Variants in ZBTB32 observed in about 807,000 individuals in gnomAD.
ZBTB32 encodes zinc finger and BTB domain containing 32.
Under a neutral mutation model 45.3 loss-of-function variants are expected in ZBTB32, and 28 were observed. The ratio of observed to expected loss-of-function variants is 0.62; its 90% CI spans 0.46 to 0.85. The LOEUF is 0.85. Ranked by LOEUF, ZBTB32 falls within the 40% of genes least tolerant of loss-of-function variation. The pLI, the probability that ZBTB32 is intolerant of heterozygous loss-of-function variation, is 0.00. For synonymous variants in ZBTB32, 283 were observed against 255.7 expected, an observed-to-expected ratio of 1.11 and a Z score of -1.02; for missense variants, 587 against 624.4, an observed-to-expected ratio of 0.94 and a Z score of 0.64.
At position 35,715,063 on chromosome 19, in the gene ZBTB32, G is replaced by A. The variant is rs763043581; in HGVS notation, c.437G>A (p.Gly146Glu). 2 of 1,613,926 alleles carry A rather than the reference G, an allele frequency of 1.2e-6. No homozygotes were observed. Among genetic ancestry groups the A allele is most frequent in the Admixed American group, 1.7e-5 (1 of 60,014 alleles). Residue 146 changes from glycine (G) to glutamate (E), a missense_variant, in exon 3 of 7, where the codon GGA (glycine) becomes GAA (glutamate). Coordinates refer to ENST00000392197, the MANE Select transcript of ZBTB32 (RefSeq NM_014383.3). ...CCTGAGAGAGAACTGGGGGACCCTG[G>A]AGAGAAGCAGAAACCAGAACAGGTT... ...RNPERELGDP[G>E]EKQKPEQVSR... is the part of the protein sequence containing the mutation.
chr19:35,708,214 G>A lies in ZBTB32; in HGVS notation c.-222+3591G>A, dbSNP rs533049746. 1.8e-4 allele frequency among the ~76,000 whole-genome samples: 27 copies of A among 152,166 alleles called. No individual in the cohort carries two copies. The South Asian group carries it at 5.4e-3, about 30-fold the overall frequency. On this transcript the variant is annotated intron_variant, in intron 1 of 6. Transcript: ENST00000392197. ...CTACAAATCCCTTACACAAAATCAG[G>A]GTCTAGCGTGTGTGTACATCAGTCA...
rs180876468 is a variant in ZBTB32, at chr19:35,705,560, C to A, written c.-222+937C>A. Among the ~76,000 whole-genome samples the A allele has an allele frequency of 5.7e-4, 87 of 152,168 alleles. 1 individual carries two copies. The highest frequency in any genetic ancestry group is 1.9e-3 in the African/African-American group (80 of 41,536). On this transcript the variant is annotated intron_variant, in intron 1 of 6. Coordinates refer to ENST00000392197, the MANE Select transcript of ZBTB32 (RefSeq NM_014383.3). ...ATTCTAGGGAGAAGGATTCTGAATCCCAGCCGAGCTGTTTGCGCTGGATGA... is the reference window on the plus strand; with the variant it reads ...ATTCTAGGGAGAAGGATTCTGAATCACAGCCGAGCTGTTTGCGCTGGATGA...
Position 35,715,273 on chromosome 19 carries a change from G to C in ZBTB32, c.647G>C (p.Arg216Thr). The change falls in exon 3 of 7, where the codon AGG becomes ACG. Residue 216 changes from arginine (R) to threonine (T), a missense_variant. Arg to Thr is a moderately conservative substitution (Grantham distance 71, BLOSUM62 -1). Coordinates refer to ENST00000392197, the MANE Select transcript of ZBTB32 (RefSeq NM_014383.3). ...DGKHGVLTWL[R>T]ENPGGSEESL... ...AAGCATGGAGTGCTCACGTGGTTGAGGGAAAATCCAGGGGGCTCTGAGGAA... is the reference window on the plus strand; with the variant it reads ...AAGCATGGAGTGCTCACGTGGTTGACGGAAAATCCAGGGGGCTCTGAGGAA... 1 of 1,585,396 alleles carries C rather than the reference G, an allele frequency of 6.3e-7. No homozygotes were observed. Among genetic ancestry groups the C allele is most frequent in the Non-Finnish European group, 8.6e-7 (1 of 1,167,704 alleles).
At chr19:35,709,021 T>C (rs912160363) in intron 1 of ZBTB32, among the ~76,000 whole-genome samples, 1 of 152,124 alleles carries the variant, frequency 6.6e-6, no homozygotes, top group South Asian at 2.1e-4. Flanking sequence ...GGTTTCTCCA[T>C]GTTGGTCAGG....
intron 1 of ZBTB32, among the ~76,000 whole-genome samples, chr19:35,708,731 C>T (rs972382147): frequency 2.6e-5 from 4 of 152,158 alleles, no homozygotes; most frequent in African/African-American, 9.7e-5. Context: ...AAAAAGGGAA[C>T]TAATTCACTC....
intron 1 of ZBTB32, among the ~76,000 whole-genome samples, chr19:35,712,152 G>A (rs1247358714): frequency 6.6e-6 from 1 of 150,474 alleles, no homozygotes; most frequent in Non-Finnish European, 1.5e-5. Context: ...TCTAATATAC[G>A]CCAGGCACAT....
chr19:35,716,653 C>G lies in ZBTB32; in HGVS notation c.1365C>G (p.Leu455=). 1 of 1,613,900 alleles carries G rather than the reference C, an allele frequency of 6.2e-7. No individual in the cohort carries two copies. The highest frequency in any genetic ancestry group is 8.5e-7 in the Non-Finnish European group (1 of 1,179,970). The change falls in exon 7 of 7, where the codon CTC becomes CTG. Residue 455 remains leucine (L), a synonymous_variant. Coordinates refer to ENST00000392197, the MANE Select transcript of ZBTB32 (RefSeq NM_014383.3). ...AHMRGHSPSQ[L]PPGWTIRSTF... is the part of the protein sequence containing the mutation. Reference sequence around the variant, plus strand: ...TGCGCGGTCACTCGCCCAGCCAACTCCCGCCCGGATGGACCATCCGCTCCA... The same window carrying G: ...TGCGCGGTCACTCGCCCAGCCAACTGCCGCCCGGATGGACCATCCGCTCCA...
In ZBTB32 at chr19:35,716,403, C is replaced by T. The variant is rs1348732636; in HGVS notation, c.1190-75C>T. The stretch of plus-strand genomic sequence containing the variant: ...CGCGCAATCCCCTAGCCCCGTGGCC[C>T]GATCCACCCCTAACTTGGCCAGCTT... On this transcript the variant is annotated intron_variant, in intron 6 of 6. Transcript: ENST00000392197. The T allele has an allele frequency of 4.4e-6, 7 of 1,584,978 alleles. No homozygotes were observed. In the African/African-American group the frequency reaches 6.7e-5, roughly 15 times the overall value.
At chr19:35,716,091 G>A in intron 5 of ZBTB32, 42 bp from the exon 6 acceptor site, 9 of 1,611,904 alleles carry the variant, frequency 5.6e-6, no homozygotes, top group Non-Finnish European at 7.6e-6. Flanking sequence ...TTGGCGCTGG[G>A]ATTCCTGGCC....
rs2146423221 is a variant in ZBTB32, at chr19:35,716,805, G to A, written c.*53G>A. The A allele has an allele frequency of 1.9e-6, 3 of 1,556,650 alleles. No individual in the cohort carries two copies. Among genetic ancestry groups the A allele is most frequent in the Non-Finnish European group, 1.7e-6 (2 of 1,147,722 alleles). On this transcript the variant is annotated 3_prime_UTR_variant, in exon 7 of 7. Transcript: ENST00000392197. ...AGTCCAATTAAAGAACGAAAAGCGG[G>A]CCGGCTCGGCTTCTGACCTGGCACC...
At chr19:35,715,668 C>CGG in intron 3 of ZBTB32, 89 bp from the exon 4 acceptor site, 1 of 1,496,760 alleles carries the variant, frequency 6.7e-7, no homozygotes, top group Non-Finnish European at 9.0e-7. Context: ...GCCCAGCCCC[C>CGG]GGGGGAGGAC....
chr19:35,705,079 G>A (rs1461651731), intron 1 of ZBTB32, among the ~76,000 whole-genome samples: 1 of 152,066 alleles, frequency 6.6e-6, no homozygotes, highest in East Asian at 1.9e-4. Flanking sequence ...GCTGAGGCAG[G>A]TGGATCATTT....
Position 35,714,984 on chromosome 19 carries a change from C to A in ZBTB32, c.358C>A (p.Pro120Thr). The A allele has an allele frequency of 6.2e-7, 1 of 1,603,080 alleles. No individual in the cohort carries two copies. Among genetic ancestry groups the A allele is most frequent in the Non-Finnish European group, 8.5e-7 (1 of 1,175,082 alleles). The change falls in exon 3 of 7, where the codon CCA becomes ACA. Residue 120 changes from proline (P) to threonine (T), a missense_variant. Coordinates refer to ENST00000392197, the MANE Select transcript of ZBTB32 (RefSeq NM_014383.3). ...WRARGDRAKK[P>T]DPGLKKHQEE... ...GGCTCGAGGGGACAGGGCTAAAAAG[C>A]CAGATCCAGGCCTGAAGAAACATCA...
At chr19:35,708,647 G>A (rs1397742680) in intron 1 of ZBTB32, among the ~76,000 whole-genome samples, 1 of 152,152 alleles carries the variant, frequency 6.6e-6, no homozygotes, top group Non-Finnish European at 1.5e-5. Context: ...TGTGTGCTAT[G>A]AAGGGGCTAG....
chr19:35,709,299 T>C (rs1968625696), intron 1 of ZBTB32, among the ~76,000 whole-genome samples: 1 of 152,214 alleles, frequency 6.6e-6, no homozygotes, highest in African/African-American at 2.4e-5. Context: ...GGAAGAGGGC[T>C]TGATATTTAA....
chr19:35,705,865 C>T (rs1343130249), intron 1 of ZBTB32, among the ~76,000 whole-genome samples: 1 of 146,942 alleles, frequency 6.8e-6, no homozygotes, highest in Non-Finnish European at 1.5e-5. Flanking sequence ...GAGCAGAGAT[C>T]GCACCACTGC....
At position 35,714,768 on chromosome 19, in the gene ZBTB32, G is replaced by A; in HGVS notation, c.142G>A (p.Ala48Thr). 1.2e-6 allele frequency: 2 copies of A among 1,614,182 alleles called. No homozygotes were observed. Among genetic ancestry groups the A allele is most frequent in the Non-Finnish European group, 1.7e-6 (2 of 1,180,032 alleles). ...GTTCCCCGCCCACAGCCTGGTGCTA[G>A]CAGGTGTCAGCCAGCAGCTGGGCCG... Reference protein sequence around the residue: ...QEFPAHSLVLAGVSQQLGRRG... With the variant: ...QEFPAHSLVLTGVSQQLGRRG... The change falls in exon 3 of 7, where the codon GCA becomes ACA. Residue 48 changes from alanine (A) to threonine (T), a missense_variant. Coordinates refer to ENST00000392197, the MANE Select transcript of ZBTB32 (RefSeq NM_014383.3).
intron 2 of ZBTB32, 42 bp downstream of exon 2, chr19:35,713,075 G>C (rs1968744071): frequency 1.3e-5 from 2 of 152,222 alleles, no homozygotes; most frequent in African/African-American, 2.4e-5. Flanking sequence ...AGGTTACTGA[G>C]GCCCAGAGAA....
intron 1 of ZBTB32, among the ~76,000 whole-genome samples, chr19:35,706,579 C>T (rs1038993604): frequency 1.3e-5 from 2 of 151,816 alleles, no homozygotes; most frequent in Admixed American, 6.6e-5. Context: ...AAAAATTAGC[C>T]GGGCATGGTA....
Sources: gnomAD v4.1 joint callset for allele counts (sites outside exome capture counted in the v4.1 genomes callset) on GRCh38, gnomAD v4.1.1 for gene constraint, MANE v1.5 for transcripts, NCBI Gene and HGNC (gene_info 2026-07-23, HGNC 2026-07-21) for gene names.